Variants in TENM4 observed in about 807,000 individuals in gnomAD.
The protein encoded by TENM4 is teneurin-4.
Under a neutral mutation model 243.3 loss-of-function variants are expected in TENM4, and 82 were observed. That is an observed-to-expected ratio of 0.34 (90% confidence interval 0.28 to 0.40). The LOEUF (loss-of-function observed/expected upper bound fraction) is 0.40. TENM4 is among the 10% of genes least tolerant of loss of function. The pLI is 1.00. For synonymous variants in TENM4, 1,412 were observed against 1,456.3 expected (o/e 0.97, Z 0.69); for missense variants, 3,138 against 3,673.3 (o/e 0.85, Z 3.77).
At chr11:79,334,229 C>T (rs1035168404) in intron 1 of TENM4, among the ~76,000 whole-genome samples, 14 of 152,178 alleles carry the variant, frequency 9.2e-5, no homozygotes, top group Non-Finnish European at 1.9e-4. Flanking sequence ...CTTACAGTGT[C>T]GCATATAGTC....
At chr11:79,107,128 C>T (rs77002206) in intron 4 of TENM4, among the ~76,000 whole-genome samples, 19 of 152,050 alleles carry the variant, frequency 1.2e-4, no homozygotes, top group African/African-American at 4.3e-4. Flanking sequence ...AACTTGCTCA[C>T]GGTTCTATTT....
intron 6 of TENM4, among the ~76,000 whole-genome samples, chr11:79,017,627 T>G (rs907046493): frequency 6.6e-6 from 1 of 152,144 alleles, no homozygotes; most frequent in Admixed American, 6.5e-5. Context: ...TACATAGCAC[T>G]TTATGTTGTT....
chr11:79,101,861 C>G (rs1861240511), intron 4 of TENM4, among the ~76,000 whole-genome samples: 1 of 152,314 alleles, frequency 6.6e-6, no homozygotes, highest in South Asian at 2.1e-4. Flanking sequence ...AGTTTTCATA[C>G]CACTCCAGCC....
chr11:79,250,312 G>C (rs553693933), intron 2 of TENM4, among the ~76,000 whole-genome samples: 1 of 152,324 alleles, frequency 6.6e-6, no homozygotes, highest in East Asian at 1.9e-4. Context: ...TTAACAGAGT[G>C]CCTAGAAATT....
At chr11:79,368,868 G>A (rs567024355) in intron 1 of TENM4, among the ~76,000 whole-genome samples, 17 of 152,278 alleles carry the variant, frequency 1.1e-4, no homozygotes, top group Non-Finnish European at 2.1e-4. Context: ...CAGCTGTCTC[G>A]CGGAGATGTG....
chr11:79,065,064 C>T (rs1860209400), intron 5 of TENM4, 57 bp from the exon 6 acceptor site: 1 of 1,433,254 alleles, frequency 7.0e-7, no homozygotes, highest in Non-Finnish European at 9.2e-7. Context: ...CTGCGTCTGC[C>T]TCTGCCTGAA....
chr11:79,358,504 G>C (rs144594635), intron 1 of TENM4, among the ~76,000 whole-genome samples: 1 of 152,250 alleles, frequency 6.6e-6, no homozygotes, highest in African/African-American at 2.4e-5. Context: ...GACACAAACT[G>C]TATGCATAGC....
At chr11:78,734,828 G>A (rs1344698962) in intron 20 of TENM4, among the ~76,000 whole-genome samples, 1 of 152,154 alleles carries the variant, frequency 6.6e-6, no homozygotes. Flanking sequence ...AACTAGCCCA[G>A]TGCTTGATGC....
intron 2 of TENM4, among the ~76,000 whole-genome samples, chr11:79,286,546 G>C (rs1590852363): frequency 6.6e-6 from 1 of 150,844 alleles, no homozygotes; most frequent in East Asian, 1.9e-4. Flanking sequence ...GTGGACACCT[G>C]TAATCCCAGC....
chr11:79,245,915 G>GAGTGAC (rs1298006303), intron 2 of TENM4, among the ~76,000 whole-genome samples: 1 of 128,880 alleles, frequency 7.8e-6, no homozygotes, highest in Non-Finnish European at 1.6e-5. Context: ...ACTCCAGCCT[G>GAGTGAC]AGTGACAGAG....
At chr11:79,244,273 A>G (rs1565265968) in intron 2 of TENM4, among the ~76,000 whole-genome samples, 3 of 152,206 alleles carry the variant, frequency 2.0e-5, no homozygotes, top group Non-Finnish European at 2.9e-5. Flanking sequence ...GGGGGTGAGC[A>G]GGGAGCAGTT....
intron 1 of TENM4, among the ~76,000 whole-genome samples, chr11:79,391,899 C>G (rs889635378): frequency 1.3e-5 from 2 of 152,114 alleles, no homozygotes; most frequent in African/African-American, 4.8e-5. Flanking sequence ...CCTATTGTTC[C>G]CCTCCACCAA....
chr11:78,977,346 T>C (rs745973830), intron 6 of TENM4, among the ~76,000 whole-genome samples: 12 of 152,248 alleles, frequency 7.9e-5, no homozygotes, highest in Non-Finnish European at 1.6e-4. Context: ...GACTTCAATA[T>C]ACCTTTCTGC....
intron 1 of TENM4, among the ~76,000 whole-genome samples, chr11:79,356,874 A>G (rs1857505925): frequency 6.6e-6 from 1 of 152,196 alleles, no homozygotes; most frequent in Non-Finnish European, 1.5e-5. Flanking sequence ...TTTCCACACT[A>G]TATATCCATA....
intron 6 of TENM4, among the ~76,000 whole-genome samples, chr11:79,020,918 A>T (rs892428703): frequency 1.3e-5 from 2 of 152,072 alleles, no homozygotes; most frequent in Non-Finnish European, 2.9e-5. Context: ...CACATGCCTT[A>T]CTCTTTGGAG....
In TENM4 at chr11:78,856,110, C is replaced by G; in HGVS notation, c.1324G>C (p.Ala442Pro). 2 of 1,551,668 alleles carry G rather than the reference C, an allele frequency of 1.3e-6. No individual in the cohort carries two copies. Among genetic ancestry groups the G allele is most frequent in the Non-Finnish European group, 1.7e-6 (2 of 1,146,974 alleles). ...DSGEIDVGRR[A>P]SQKIPPGTFW... ...GTGCCAGGAGGAATCTTCTGGGAAG[C>G]TCGCCTTCCCACATCAATTTCTCCA... The change falls in exon 11 of 34, where the codon GCT (alanine) becomes CCT (proline). Residue 442 changes from alanine (A) to proline (P), a missense_variant. Coordinates refer to ENST00000278550, the MANE Select transcript of TENM4 (RefSeq NM_001098816.3).
At chr11:79,114,243 A>G (rs1463519847) in intron 4 of TENM4, among the ~76,000 whole-genome samples, 3 of 152,200 alleles carry the variant, frequency 2.0e-5, no homozygotes, top group African/African-American at 7.2e-5. Context: ...CTGAAGTACA[A>G]TCTTAACTAT....
intron 1 of TENM4, among the ~76,000 whole-genome samples, chr11:79,315,193 C>T (rs927085067): frequency 1.3e-5 from 2 of 152,102 alleles, no homozygotes; most frequent in Admixed American, 6.6e-5. Context: ...AGTAAGTCAC[C>T]AGGCAGGAAC....
intron 15 of TENM4, among the ~76,000 whole-genome samples, chr11:78,797,745 A>G (rs1459303156): frequency 1.3e-5 from 2 of 152,142 alleles, no homozygotes; most frequent in East Asian, 3.9e-4. Flanking sequence ...TCTCTATGCC[A>G]CTGTCAATCT....
Sources: allele counts gnomAD v4.1 joint callset (sites outside exome capture counted in the v4.1 genomes callset), GRCh38; gene constraint gnomAD v4.1.1; transcripts MANE v1.5; gene names NCBI Gene and HGNC (gene_info 2026-07-23, HGNC 2026-07-21).